The following CDC42BPA variants were observed in gnomAD, a reference collection of about 807,000 sequenced individuals.
CDC42BPA encodes the protein CDC42 binding protein kinase alpha, also known as serine/threonine-protein kinase MRCK alpha.
In CDC42BPA, 80 loss-of-function variants were observed where a neutral mutation model predicts 223.5. That is an observed-to-expected ratio of 0.36 (90% CI 0.30 to 0.43). The LOEUF is 0.43. Ranked by LOEUF, CDC42BPA falls within the 20% of genes least tolerant of loss-of-function variation. The probability of loss-of-function intolerance (pLI) is 1.00; values close to 1 mark genes in which losing one functional copy is unlikely to be tolerated. For synonymous variants in CDC42BPA, 694 were observed against 718.6 expected (o/e 0.97, Z 0.55); for missense variants, 1,743 against 2,099.9 (o/e 0.83, Z 3.32).
chr1:227,113,988 A>T (rs1362392714), intron 12 of CDC42BPA, among the ~76,000 whole-genome samples: 1 of 145,708 alleles, frequency 6.9e-6, no homozygotes, highest in Non-Finnish European at 1.5e-5. Flanking sequence ...ATTGCACTCT[A>T]GCTTGGGCAA....
chr1:227,266,901 T>C (rs1250781305), intron 1 of CDC42BPA, among the ~76,000 whole-genome samples: 5 of 152,230 alleles, frequency 3.3e-5, no homozygotes, highest in African/African-American at 1.2e-4. Context: ...TCTGACAATT[T>C]TGTTGGCCCT....
At position 227,317,118 on chromosome 1, in the gene CDC42BPA, T is replaced by C. The variant is rs756784819; in HGVS notation, c.65A>G (p.Asn22Ser). 4 of 1,614,150 alleles carry C rather than the reference T, an allele frequency of 2.5e-6. No homozygotes were observed. The highest frequency in any genetic ancestry group is 1.6e-4 in the Middle Eastern group (1 of 6,062). Residue 22 changes from asparagine to serine, a missense_variant, in exon 1 of 37, where the codon AAT becomes AGT. Coordinates refer to ENST00000366766, the MANE Select transcript of CDC42BPA (RefSeq NM_001394014.1). ...TGTCTCCACACTGAAGCACTGCCCA[T>C]TGGTCTGAGCGGGCCCGTCCAAAAT... ...QFILDGPAQT[N>S]GQCFSVETLL...
At chr1:227,036,390 G>C (rs1235249898) in intron 24 of CDC42BPA, among the ~76,000 whole-genome samples, 1 of 149,832 alleles carries the variant, frequency 6.7e-6, no homozygotes, top group Non-Finnish European at 1.5e-5. Flanking sequence ...TGGGACTATA[G>C]GCATGAGTCA....
Position 227,254,073 on chromosome 1 carries a change from AG to A in CDC42BPA, c.260del (p.Ala87ValfsTer7), listed in dbSNP as rs1321855970. 6.3e-7 allele frequency: 1 copy of A among 1,584,144 alleles called. No homozygotes were observed. Among genetic ancestry groups the A allele is most frequent in the Non-Finnish European group, 8.6e-7 (1 of 1,157,740 alleles). On this transcript the variant is annotated frameshift_variant, in exon 2 of 37. Transcript: ENST00000366766. LOFTEE classifies it high-confidence loss of function. ...AATCTTAATCTCTTACCTCCCCAAA[AG>A]CTCCTCGACCAATCACCTTTAATAT... ...FEILKVIGRGAFGEVAVVKLK... is the reference protein window; with the variant it reads ...FEILKVIGRGXFGEVAVVKLK...
chr1:227,185,367 C>A (rs1440121617), intron 5 of CDC42BPA, among the ~76,000 whole-genome samples: 1 of 152,130 alleles, frequency 6.6e-6, no homozygotes, highest in Non-Finnish European at 1.5e-5. Context: ...CCTAACATGG[C>A]GATTCCCACC....
At chr1:226,996,023 C>A (rs555087992) in intron 35 of CDC42BPA, among the ~76,000 whole-genome samples, 25 of 152,240 alleles carry the variant, frequency 1.6e-4, no homozygotes, top group Non-Finnish European at 1.0e-4. Context: ...CCAAAATACA[C>A]AAGCGTTCAT....
chr1:227,035,389 T>C (rs1392973492), intron 25 of CDC42BPA, 82 bp downstream of exon 25: 1 of 1,015,390 alleles, frequency 9.8e-7, no homozygotes. Flanking sequence ...TCAAGAACTA[T>C]CCTCTTAAAC....
chr1:227,096,646 G>T (rs1684057065), intron 15 of CDC42BPA, among the ~76,000 whole-genome samples: 1 of 152,054 alleles, frequency 6.6e-6, no homozygotes, highest in Non-Finnish European at 1.5e-5. Context: ...TTGACTTCAG[G>T]GATCCCATGC....
intron 5 of CDC42BPA, among the ~76,000 whole-genome samples, chr1:227,163,091 TGTGTGTTTCCAAACA>T (rs1664360726): frequency 1.5e-5 from 2 of 133,292 alleles, no homozygotes; most frequent in African/African-American, 5.9e-5. Context: ...TTTCCAAACA[TGTGTGTTTCCAAACA>T]TATATGTGTG....
At chr1:227,107,415 C>T (rs551082910) in intron 14 of CDC42BPA, among the ~76,000 whole-genome samples, 1 of 152,158 alleles carries the variant, frequency 6.6e-6, no homozygotes, top group Non-Finnish European at 1.5e-5. Context: ...ATTTTAAGCT[C>T]AAGTCTCAAG....
At chr1:226,995,723 C>T (rs531464952) in intron 35 of CDC42BPA, among the ~76,000 whole-genome samples, 2 of 152,234 alleles carry the variant, frequency 1.3e-5, no homozygotes, top group Admixed American at 1.3e-4. Flanking sequence ...AGGGAAGACC[C>T]AGAACACCCT....
At chr1:227,025,529 T>C (rs1200320248) in intron 31 of CDC42BPA, among the ~76,000 whole-genome samples, 3 of 152,168 alleles carry the variant, frequency 2.0e-5, no homozygotes, top group East Asian at 3.9e-4. Flanking sequence ...AGTTCTATAA[T>C]TGTAAAAATT....
At chr1:227,192,880 GACTT>G (rs1269195218) in intron 5 of CDC42BPA, among the ~76,000 whole-genome samples, 1 of 151,878 alleles carries the variant, frequency 6.6e-6, no homozygotes, top group East Asian at 1.9e-4. Flanking sequence ...TATAATACAG[GACTT>G]ATTTAGCAAA....
At chr1:227,076,464 C>T (rs1021901123) in intron 17 of CDC42BPA, among the ~76,000 whole-genome samples, 2 of 152,040 alleles carry the variant, frequency 1.3e-5, no homozygotes, top group African/African-American at 4.8e-5. Flanking sequence ...GCCACGTTGG[C>T]CAGGCTGGTC....
chr1:227,108,394 T>C (rs1254547505), intron 14 of CDC42BPA, among the ~76,000 whole-genome samples: 2 of 148,790 alleles, frequency 1.3e-5, no homozygotes, highest in African/African-American at 5.0e-5. Flanking sequence ...TTCCACATAT[T>C]TTTGAGCATT....
At chr1:227,273,892 C>G (rs1686429824) in intron 1 of CDC42BPA, among the ~76,000 whole-genome samples, 1 of 142,870 alleles carries the variant, frequency 7.0e-6, no homozygotes, top group South Asian at 2.2e-4. Flanking sequence ...ACCCAAAGCT[C>G]TTGGAACAGC....
intron 4 of CDC42BPA, among the ~76,000 whole-genome samples, chr1:227,198,164 C>T (rs1671057547): frequency 1.3e-5 from 2 of 151,768 alleles, no homozygotes; most frequent in African/African-American, 4.8e-5. Context: ...AAAAATGTTC[C>T]TTATGGCTGG....
At chr1:227,144,942 AGCT>A (rs1660443043) in intron 8 of CDC42BPA, among the ~76,000 whole-genome samples, 1 of 152,132 alleles carries the variant, frequency 6.6e-6, no homozygotes, top group Non-Finnish European at 1.5e-5. Flanking sequence ...GTATCAGCAA[AGCT>A]GCTGATTTTT....
chr1:227,167,697 T>G (rs73086792), intron 5 of CDC42BPA, among the ~76,000 whole-genome samples: 6 of 152,134 alleles, frequency 3.9e-5, no homozygotes, highest in Non-Finnish European at 7.4e-5. Flanking sequence ...AAATCTCTGA[T>G]GAGTTCAAGA....
Sources: gnomAD v4.1 joint callset for allele counts (sites outside exome capture counted in the v4.1 genomes callset) on GRCh38, gnomAD v4.1.1 for gene constraint, MANE v1.5 for transcripts, NCBI Gene and HGNC (gene_info 2026-07-23, HGNC 2026-07-21) for gene names.